Variants in SLC14A2 observed in about 807,000 individuals in gnomAD.
The protein encoded by SLC14A2 is solute carrier family 14 member 2, also known as urea transporter 2.
SLC14A2 carries 91 observed loss-of-function variants against 104.6 expected under a neutral mutation model. That is an observed-to-expected ratio of 0.87 (90% CI 0.73 to 1.04). The LOEUF (loss-of-function observed/expected upper bound fraction) is 1.04. Ranked by LOEUF, SLC14A2 falls within the 50% of genes least tolerant of loss-of-function variation. The probability of loss-of-function intolerance (pLI) is 0.00; values close to 1 mark genes in which losing one functional copy is unlikely to be tolerated. For missense variants in SLC14A2, 1,189 were observed against 1,156.0 expected, an observed-to-expected ratio of 1.03 and a Z score of -0.41; for synonymous variants, 476 against 466.4, an observed-to-expected ratio of 1.02 and a Z score of -0.27.
At chr18:45,560,979 CAGAG>C (rs1200501904) in intron 2 of SLC14A2, among the ~76,000 whole-genome samples, 2 of 152,120 alleles carry the variant, frequency 1.3e-5, no homozygotes, top group African/African-American at 4.8e-5. Flanking sequence ...CATTCCCTGA[CAGAG>C]AGATACAAAG....
At position 45,653,235 on chromosome 18, in the gene SLC14A2, C is replaced by G. The variant is rs560662482; in HGVS notation, c.1351+9075C>G. Among the ~76,000 whole-genome samples the G allele has an allele frequency of 8.5e-5, 13 of 152,208 alleles. No individual in the cohort carries two copies. The South Asian group carries it at 2.5e-3, about 29-fold the overall frequency. ...CCCCTCCACACCATTCCCCACCACT[C>G]CTTGGAATGTGGGGGCCTGCTGGGC... is the stretch of plus-strand genomic sequence containing the variant. On this transcript the variant is annotated intron_variant, in intron 10 of 19. Transcript: ENST00000255226.
intron 1 of SLC14A2, among the ~76,000 whole-genome samples, chr18:45,305,662 G>T (rs2085012603): frequency 6.6e-6 from 1 of 152,130 alleles, no homozygotes; most frequent in African/African-American, 2.4e-5. Flanking sequence ...CTAGCGCACA[G>T]CTTCTTCTTT....
At chr18:45,552,365 G>C (rs930536799) in intron 2 of SLC14A2, among the ~76,000 whole-genome samples, 8 of 152,070 alleles carry the variant, frequency 5.3e-5, no homozygotes, top group Non-Finnish European at 1.2e-4. Flanking sequence ...CCAGCCCCAG[G>C]CTCCTTCTCT....
chr18:45,341,462 C>G (rs563801023), intron 1 of SLC14A2, among the ~76,000 whole-genome samples: 2 of 152,234 alleles, frequency 1.3e-5, no homozygotes. Context: ...TGTTTAATCT[C>G]TCCTCCTATA....
chr18:45,483,557 AT>A (rs2087537877), intron 2 of SLC14A2: 1 of 152,152 alleles, frequency 6.6e-6, no homozygotes, highest in Non-Finnish European at 1.5e-5. Flanking sequence ...CCTCTGAAAA[AT>A]TTAAAAGGGA....
At chr18:45,518,142 C>T (rs2043468497) in intron 2 of SLC14A2, among the ~76,000 whole-genome samples, 1 of 152,168 alleles carries the variant, frequency 6.6e-6, no homozygotes, top group African/African-American at 2.4e-5. Context: ...TGTAAAAGAA[C>T]TGTTACCTAA....
rs116610929 is a variant in SLC14A2 at position 45,411,799 on chromosome 18, G to A, written c.-124-71434G>A. Among the ~76,000 whole-genome samples, 497 of 152,214 alleles carry A rather than the reference G, an allele frequency of 3.3e-3. 1 individual carries two copies. The highest frequency in any genetic ancestry group is 0.011 in the African/African-American group (461 of 41,530). On this transcript the variant is annotated intron_variant, in intron 1 of 20. Coordinates refer to the SLC14A2 transcript ENST00000586448. ...AGAGATGAGGAGCAGTTAATATGGT[G>A]GTCTTGGTGGGATCCCCTGGTACAA... is the stretch of plus-strand genomic sequence containing the variant.
intron 1 of SLC14A2, among the ~76,000 whole-genome samples, chr18:45,229,876 T>C (rs1373467954): frequency 1.6e-4 from 24 of 151,998 alleles, no homozygotes. Flanking sequence ...AAGTGTAAGT[T>C]CTAAAGCCAG....
intron 1 of SLC14A2, among the ~76,000 whole-genome samples, chr18:45,218,204 C>T (rs185368114): frequency 1.4e-3 from 218 of 152,250 alleles, no homozygotes; most frequent in Non-Finnish European, 2.6e-3. Context: ...TGGCAACCAC[C>T]ATTATTTATG....
At chr18:45,628,178 G>A (rs998389704) in intron 4 of SLC14A2, among the ~76,000 whole-genome samples, 1 of 152,046 alleles carries the variant, frequency 6.6e-6, no homozygotes, top group African/African-American at 2.4e-5. Context: ...GGGCATGGTG[G>A]TTCACACCTG....
chr18:45,667,147 C>T lies in SLC14A2; in HGVS notation c.1717+53C>T, dbSNP rs1424193433. On this transcript the variant is annotated intron_variant, in intron 13 of 19. Coordinates refer to ENST00000255226, the MANE Select transcript of SLC14A2 (RefSeq NM_007163.4). ...CCTGACCCTAAAAACTCACCTCCAC[C>T]CATCCCCAGGAAACCCATTGCCATG... 3.7e-5 allele frequency: 55 copies of T among 1,497,876 alleles called. No homozygotes were observed. The Middle Eastern group carries it at 6.9e-4, about 19-fold the overall frequency. 92.8% of individuals were successfully genotyped at this position (1,497,876 alleles called of 1,614,324 possible). A position where few individuals can be genotyped will look rare whatever the true frequency, so the allele number is the denominator to read the frequency against.
intron 2 of SLC14A2, among the ~76,000 whole-genome samples, chr18:45,499,815 A>C (rs897430701): frequency 1.3e-5 from 2 of 152,214 alleles, no homozygotes; most frequent in African/African-American, 4.8e-5. Flanking sequence ...TAGCTACCTC[A>C]TAGAGCTAGT....
At position 45,667,990 on chromosome 18, in the gene SLC14A2, C is replaced by T. The variant is rs1568001995; in HGVS notation, c.1875C>T (p.Ser625=). ...AISGCLGTIM[S]TLTALILSQD... Reference sequence around the variant, plus strand: ...CAGGCTGCCTGGGTACCATCATGTCCACCTTGACAGCCCTCATCCTGAGTC... The same window carrying T: ...CAGGCTGCCTGGGTACCATCATGTCTACCTTGACAGCCCTCATCCTGAGTC... The change falls in exon 14 of 20, where the codon TCC becomes TCT. Residue 625 remains serine (S), a synonymous_variant. Coordinates refer to ENST00000255226, the MANE Select transcript of SLC14A2 (RefSeq NM_007163.4). 3 of 1,614,096 alleles carry T rather than the reference C, an allele frequency of 1.9e-6. No homozygotes were observed. The highest frequency in any genetic ancestry group is 2.5e-6 in the Non-Finnish European group (3 of 1,179,992).
chr18:45,292,998 C>A (rs866066228), intron 1 of SLC14A2, among the ~76,000 whole-genome samples: 1 of 151,648 alleles, frequency 6.6e-6, no homozygotes, highest in East Asian at 1.9e-4. Context: ...CCCCTGCCCC[C>A]CCGCAAAAAA....
chr18:45,642,220 T>C (rs2045540337), intron 8 of SLC14A2, among the ~76,000 whole-genome samples: 1 of 152,236 alleles, frequency 6.6e-6, no homozygotes, highest in South Asian at 2.1e-4. Context: ...GCTTCTCTTT[T>C]GTTTTTTCCC....
At chr18:45,655,237 GAAC>G (rs921868531) in intron 10 of SLC14A2, among the ~76,000 whole-genome samples, 1 of 152,174 alleles carries the variant, frequency 6.6e-6, no homozygotes, top group African/African-American at 2.4e-5. Context: ...ATGCCATAAG[GAAC>G]AACATCCCAG....
chr18:45,427,180 T>C (rs1384783808), intron 1 of SLC14A2, among the ~76,000 whole-genome samples: 1 of 151,872 alleles, frequency 6.6e-6, no homozygotes, highest in African/African-American at 2.4e-5. Context: ...ATGAGGGAAA[T>C]GAAACCCCTG....
chr18:45,275,331 T>C (rs2144128541), intron 1 of SLC14A2, among the ~76,000 whole-genome samples: 1 of 152,328 alleles, frequency 6.6e-6, no homozygotes, highest in African/African-American at 2.4e-5. Context: ...AGACCAATGG[T>C]TGTATTCATC....
At chr18:45,426,217 G>A (rs2086424022) in intron 1 of SLC14A2, among the ~76,000 whole-genome samples, 1 of 152,094 alleles carries the variant, frequency 6.6e-6, no homozygotes, top group South Asian at 2.1e-4. Flanking sequence ...CCTCTGTTTA[G>A]CTTCTCCCTG....
Sources: allele counts gnomAD v4.1 joint callset (sites outside exome capture counted in the v4.1 genomes callset), GRCh38; gene constraint gnomAD v4.1.1; transcripts MANE v1.5; gene names NCBI Gene and HGNC (gene_info 2026-07-23, HGNC 2026-07-21).